The following SEMA5A variants were observed in gnomAD, a reference collection of about 807,000 sequenced individuals.
SEMA5A encodes semaphorin 5A, also known as semaphorin-5A.
SEMA5A carries 55 observed loss-of-function variants against 135.5 expected under a neutral mutation model. The observed-to-expected ratio is 0.41, with a 90% confidence interval of 0.33 to 0.51. SEMA5A has a LOEUF of 0.51. SEMA5A is among the 20% of genes least tolerant of loss of function. SEMA5A has a pLI of 0.37. For synonymous variants in SEMA5A, 580 were observed against 546.5 expected (o/e 1.06, Z -0.85); for missense variants, 1,290 against 1,419.9 (o/e 0.91, Z 1.47).
intron 15 of SEMA5A, among the ~76,000 whole-genome samples, chr5:9,109,185 C>G (rs57985384): frequency 1.3e-5 from 2 of 149,334 alleles, no homozygotes; most frequent in Non-Finnish European, 3.0e-5. Context: ...GGACTACAGG[C>G]GCCCGCCACT....
At chr5:9,123,274 A>G (rs1423609155) in intron 13 of SEMA5A, among the ~76,000 whole-genome samples, 5 of 86,620 alleles carry the variant, frequency 5.8e-5, no homozygotes, top group African/African-American at 4.0e-4. Flanking sequence ...AAAAAAAAAA[A>G]AAAAAAAAAA....
At chr5:9,526,651 A>C (rs1385734087) in intron 1 of SEMA5A, among the ~76,000 whole-genome samples, 1 of 152,206 alleles carries the variant, frequency 6.6e-6, no homozygotes, top group Non-Finnish European at 1.5e-5. Flanking sequence ...GGTCCGGAGA[A>C]GCCCCGGAGC....
intron 16 of SEMA5A, among the ~76,000 whole-genome samples, chr5:9,107,834 G>T (rs1322627619): frequency 6.6e-6 from 1 of 152,126 alleles, no homozygotes; most frequent in African/African-American, 2.4e-5. Flanking sequence ...TCCAGTGTGT[G>T]AGAGGACCTG....
chr5:9,130,288 T>C (rs1458805384), intron 13 of SEMA5A, among the ~76,000 whole-genome samples: 3 of 152,202 alleles, frequency 2.0e-5, no homozygotes, highest in Non-Finnish European at 1.5e-5. Context: ...TTTTCTATTC[T>C]GATATTTTTT....
At position 9,542,645 on chromosome 5, in the gene SEMA5A, T is replaced by C. The variant is rs561080094; in HGVS notation, c.-175+2939A>G. 1.1e-4 allele frequency among the ~76,000 whole-genome samples: 17 copies of C among 152,334 alleles called. No individual in the cohort carries two copies. The South Asian group carries it at 2.9e-3, about 26-fold the overall frequency. ...TTTGTCTGGGTAACTATAGCAACAATTGCAGAAACATTTTTAAATACAAAA... is the reference window on the plus strand; with the variant it reads ...TTTGTCTGGGTAACTATAGCAACAACTGCAGAAACATTTTTAAATACAAAA... On this transcript the variant is annotated intron_variant, in intron 1 of 22. Transcript: ENST00000382496.
intron 11 of SEMA5A, among the ~76,000 whole-genome samples, chr5:9,189,455 G>A (rs40701): frequency 0.53 from 79,747 of 150,990 alleles, 21,190 homozygotes; most frequent in East Asian, 0.7. Flanking sequence ...GGAATTGAGA[G>A]GTTCTTAGAA....
At chr5:9,127,419 T>C (rs1342461330) in intron 13 of SEMA5A, among the ~76,000 whole-genome samples, 1 of 152,208 alleles carries the variant, frequency 6.6e-6, no homozygotes, top group Non-Finnish European at 1.5e-5. Flanking sequence ...AGCAAATTCC[T>C]AGGCATTCCC....
intron 17 of SEMA5A, 138 bp downstream of exon 17, chr5:9,066,283 A>G (rs1737460206): frequency 1.3e-6 from 1 of 778,382 alleles, no homozygotes; most frequent in Non-Finnish European, 2.2e-6. Flanking sequence ...GTTGTGCTCT[A>G]CAGGGATCAT....
At chr5:9,198,576 T>C (rs1334982028) in intron 9 of SEMA5A, among the ~76,000 whole-genome samples, 1 of 152,168 alleles carries the variant, frequency 6.6e-6, no homozygotes, top group Non-Finnish European at 1.5e-5. Context: ...GAGGGTATTG[T>C]GGGCCTTCTG....
At chr5:9,076,528 T>C (rs1738068990) in intron 16 of SEMA5A, among the ~76,000 whole-genome samples, 1 of 152,172 alleles carries the variant, frequency 6.6e-6, no homozygotes, top group African/African-American at 2.4e-5. Context: ...CAGAAATGCA[T>C]TGTACTTGGG....
intron 13 of SEMA5A, among the ~76,000 whole-genome samples, chr5:9,128,581 G>A (rs1283831435): frequency 1.3e-5 from 2 of 152,208 alleles, no homozygotes; most frequent in African/African-American, 2.4e-5. Flanking sequence ...GCTGCCTCAC[G>A]ATATACCACA....
chr5:9,314,948 A>G (rs1752326896), intron 5 of SEMA5A, among the ~76,000 whole-genome samples: 1 of 152,144 alleles, frequency 6.6e-6, no homozygotes, highest in Non-Finnish European at 1.5e-5. Flanking sequence ...ACTGATGGGC[A>G]TCCTATACTT....
At chr5:9,283,638 T>C (rs1372377809) in intron 5 of SEMA5A, among the ~76,000 whole-genome samples, 1 of 152,174 alleles carries the variant, frequency 6.6e-6, no homozygotes, top group Non-Finnish European at 1.5e-5. Context: ...GGGGATGATA[T>C]AGGGTAGGTC....
chr5:9,252,109 A>G (rs1218781626), intron 5 of SEMA5A, among the ~76,000 whole-genome samples: 2 of 152,134 alleles, frequency 1.3e-5, no homozygotes, highest in South Asian at 2.1e-4. Flanking sequence ...CCAGAGTTCT[A>G]TTGACAGATT....
chr5:9,128,799 C>T (rs1464659245), intron 13 of SEMA5A, among the ~76,000 whole-genome samples: 1 of 152,132 alleles, frequency 6.6e-6, no homozygotes, highest in Non-Finnish European at 1.5e-5. Flanking sequence ...TCTCCACTGC[C>T]CCAGAGTTTC....
chr5:9,407,995 A>G (rs1322708244), intron 2 of SEMA5A, among the ~76,000 whole-genome samples: 1 of 150,938 alleles, frequency 6.6e-6, no homozygotes, highest in African/African-American at 2.4e-5. Flanking sequence ...TACTACTGCC[A>G]TCATCACCAT....
At chr5:9,090,670 T>C (rs1337159027) in intron 16 of SEMA5A, among the ~76,000 whole-genome samples, 7 of 152,204 alleles carry the variant, frequency 4.6e-5, no homozygotes, top group Non-Finnish European at 8.8e-5. Context: ...AGCTACTTTA[T>C]GCCAGGCACT....
chr5:9,251,633 C>T lies in SEMA5A; in HGVS notation c.271-13743G>A, dbSNP rs1049631638. 5.9e-5 allele frequency among the ~76,000 whole-genome samples: 9 copies of T among 152,274 alleles called. No homozygotes were observed. In the East Asian group the frequency reaches 1.7e-3, roughly 29 times the overall value. On this transcript the variant is annotated intron_variant, in intron 5 of 22. Coordinates refer to ENST00000382496, the MANE Select transcript of SEMA5A (RefSeq NM_003966.3). The stretch of plus-strand genomic sequence containing the variant: ...ATGTATACGGCAGAAAGCCATCAAT[C>T]AATCTGGAGTGGACACAATGTTTCC...
Position 9,186,182 on chromosome 5 carries a change from C to T in SEMA5A, c.1273+4085G>A, listed in dbSNP as rs574626335. On this transcript the variant is annotated intron_variant, in intron 11 of 22. Transcript: ENST00000382496. Reference sequence around the variant, plus strand: ...GCACAGTCATGATTCAGATAACATGCCTGGCCCTGGGTGGATGGACACCAG... The same window carrying T: ...GCACAGTCATGATTCAGATAACATGTCTGGCCCTGGGTGGATGGACACCAG... 5.3e-5 allele frequency among the ~76,000 whole-genome samples: 8 copies of T among 152,244 alleles called. No individual in the cohort carries two copies. In the East Asian group the frequency reaches 1.5e-3, roughly 29 times the overall value.
Sources: gnomAD v4.1 joint callset for allele counts (sites outside exome capture counted in the v4.1 genomes callset) on GRCh38, gnomAD v4.1.1 for gene constraint, MANE v1.5 for transcripts, NCBI Gene and HGNC (gene_info 2026-07-23, HGNC 2026-07-21) for gene names.